Variants in ATRNL1 observed in about 807,000 individuals in gnomAD.
ATRNL1 encodes the protein attractin like 1, also known as attractin-like protein 1.
A neutral mutation model predicts 182.7 loss-of-function variants in ATRNL1; 95 were observed. That is an observed-to-expected ratio of 0.52 (90% CI 0.44 to 0.62). ATRNL1 has a LOEUF of 0.62. Ranked by LOEUF, ATRNL1 falls within the 20% of genes least tolerant of loss-of-function variation. The pLI is 0.00. For synonymous variants in ATRNL1, 576 were observed against 568.3 expected (o/e 1.01, Z -0.19); for missense variants, 1,471 against 1,679.5 (o/e 0.88, Z 2.17).
chr10:115,611,490 C>CATAAA (rs1254195094), intron 26 of ATRNL1, among the ~76,000 whole-genome samples: 1 of 151,918 alleles, frequency 6.6e-6, no homozygotes, highest in Admixed American at 6.6e-5. Context: ...GTAGGTTTAG[C>CATAAA]ATAAGTATTA....
At chr10:115,895,838 A>G (rs556358221) in intron 28 of ATRNL1, among the ~76,000 whole-genome samples, 13 of 152,318 alleles carry the variant, frequency 8.5e-5, no homozygotes, top group Admixed American at 6.5e-4. Flanking sequence ...TGATGCTTGA[A>G]CTGGGTCTAG....
chr10:115,107,252 C>G (rs1844052135), intron 1 of ATRNL1, among the ~76,000 whole-genome samples: 1 of 152,150 alleles, frequency 6.6e-6, no homozygotes, highest in Non-Finnish European at 1.5e-5. Context: ...AGCTGTGAGC[C>G]TGTGAAATCA....
At chr10:115,338,531 A>G (rs1406837389) in intron 19 of ATRNL1, among the ~76,000 whole-genome samples, 2 of 152,186 alleles carry the variant, frequency 1.3e-5, no homozygotes, top group Non-Finnish European at 2.9e-5. Context: ...TCTTCTTTTG[A>G]GAAATATCTC....
At chr10:115,556,579 G>A (rs1043049118) in intron 26 of ATRNL1, among the ~76,000 whole-genome samples, 1 of 152,090 alleles carries the variant, frequency 6.6e-6, no homozygotes, top group African/African-American at 2.4e-5. Context: ...ATATTAAAAT[G>A]TGAAAAAATG....
chr10:115,689,484 G>T (rs1555047395), intron 26 of ATRNL1, among the ~76,000 whole-genome samples: 1 of 152,140 alleles, frequency 6.6e-6, no homozygotes, highest in South Asian at 2.1e-4. Flanking sequence ...TTTGCTTAAA[G>T]AAATTTTCCT....
At chr10:115,124,915 A>C (rs1353124420) in intron 3 of ATRNL1, among the ~76,000 whole-genome samples, 1 of 152,218 alleles carries the variant, frequency 6.6e-6, no homozygotes, top group Non-Finnish European at 1.5e-5. Flanking sequence ...AGTTAGTGTT[A>C]CAATCAGGTT....
At chr10:115,878,594 G>A (rs531142200) in intron 28 of ATRNL1, among the ~76,000 whole-genome samples, 1 of 152,270 alleles carries the variant, frequency 6.6e-6, no homozygotes, top group African/African-American at 2.4e-5. Context: ...GTTTCTACAA[G>A]CAGTTTCCTT....
intron 13 of ATRNL1, among the ~76,000 whole-genome samples, chr10:115,275,387 A>G (rs1852059014): frequency 6.6e-6 from 1 of 152,124 alleles, no homozygotes; most frequent in Non-Finnish European, 1.5e-5. Context: ...ACTGATACTG[A>G]TTATTTCCCT....
At chr10:115,501,361 G>T (rs1849828915) in intron 24 of ATRNL1, among the ~76,000 whole-genome samples, 1 of 152,072 alleles carries the variant, frequency 6.6e-6, no homozygotes, top group African/African-American at 2.4e-5. Context: ...ATTAGAAAGT[G>T]ACATTATTTT....
At chr10:115,518,819 CA>C (rs1237771407) in intron 24 of ATRNL1, among the ~76,000 whole-genome samples, 1 of 151,758 alleles carries the variant, frequency 6.6e-6, no homozygotes, top group Non-Finnish European at 1.5e-5. Flanking sequence ...TTAACATTAA[CA>C]AGTTTTAAAA....
intron 26 of ATRNL1, among the ~76,000 whole-genome samples, chr10:115,567,566 G>T (rs1458118414): frequency 6.6e-6 from 1 of 152,036 alleles, no homozygotes; most frequent in Admixed American, 6.6e-5. Flanking sequence ...ATGAAGAATT[G>T]TTAAGATTCA....
intron 26 of ATRNL1, among the ~76,000 whole-genome samples, chr10:115,647,789 A>G (rs1424426039): frequency 2.0e-5 from 3 of 152,030 alleles, no homozygotes; most frequent in African/African-American, 7.2e-5. Context: ...TGCTCTGCAG[A>G]AGTTCTTTAA....
At chr10:115,906,278 G>T (rs1383944703) in intron 28 of ATRNL1, among the ~76,000 whole-genome samples, 1 of 152,160 alleles carries the variant, frequency 6.6e-6, no homozygotes, top group African/African-American at 2.4e-5. Flanking sequence ...GAAAACTACT[G>T]GCTTGGCGAA....
At chr10:115,161,439 A>T (rs907781785) in intron 6 of ATRNL1, among the ~76,000 whole-genome samples, 1 of 151,978 alleles carries the variant, frequency 6.6e-6, no homozygotes, top group East Asian at 1.9e-4. Context: ...TGTGAAAATT[A>T]AAAGGAAATT....
chr10:115,722,866 AT>A (rs1947473511), intron 26 of ATRNL1, among the ~76,000 whole-genome samples: 3 of 152,184 alleles, frequency 2.0e-5, no homozygotes, highest in South Asian at 2.1e-4. Context: ...TTCTAAAAAA[AT>A]AAATGTCTAC....
chr10:115,190,227 T>A lies in ATRNL1; in HGVS notation c.1348+18935T>A, dbSNP rs144819236. Among the ~76,000 whole-genome samples the A allele has an allele frequency of 1.7e-4, 26 of 152,278 alleles. No individual in the cohort carries two copies. In the East Asian group the frequency reaches 4.6e-3, roughly 27 times the overall value. On this transcript the variant is annotated intron_variant, in intron 8 of 28. Transcript: ENST00000355044. ...ATTTTAGCAAACTGCTTTGCCATTG[T>A]GACAAATGCTACTGTTAAAATTGTA...
At chr10:115,392,233 A>AT (rs1390407293) in intron 19 of ATRNL1, among the ~76,000 whole-genome samples, 5 of 152,014 alleles carry the variant, frequency 3.3e-5, no homozygotes, top group African/African-American at 9.7e-5. Flanking sequence ...TTTTTTTCAG[A>AT]TTTTTTCTTA....
intron 25 of ATRNL1, among the ~76,000 whole-genome samples, chr10:115,548,750 T>C (rs1471879599): frequency 1.3e-5 from 2 of 152,190 alleles, no homozygotes; most frequent in Non-Finnish European, 2.9e-5. Flanking sequence ...TTTCTTAAAG[T>C]AAACATTAGC....
chr10:115,643,534 A>G (rs1293845156), intron 26 of ATRNL1, among the ~76,000 whole-genome samples: 1 of 152,164 alleles, frequency 6.6e-6, no homozygotes, highest in East Asian at 1.9e-4. Context: ...AAAAATTTGT[A>G]GAGCACATAT....
Sources: gnomAD v4.1 joint callset for allele counts (sites outside exome capture counted in the v4.1 genomes callset) on GRCh38, gnomAD v4.1.1 for gene constraint, MANE v1.5 for transcripts, NCBI Gene and HGNC (gene_info 2026-07-23, HGNC 2026-07-21) for gene names.